METAP1D: variants seen among roughly 807,000 people sequenced by gnomAD.
METAP1D encodes methionyl aminopeptidase type 1D, mitochondrial.
METAP1D carries 31 observed loss-of-function variants against 40.5 expected under a neutral mutation model. The ratio of observed to expected loss-of-function variants is 0.77; its 90% CI spans 0.58 to 1.03. The LOEUF is 1.03. Among genes scored for constraint, METAP1D ranks in the 50% least tolerant of loss-of-function variants. METAP1D has a pLI of 0.00. For missense variants in METAP1D, 411 were observed against 420.7 expected, an observed-to-expected ratio of 0.98 and a Z score of 0.20; for synonymous variants, 151 against 146.4, an observed-to-expected ratio of 1.03 and a Z score of -0.22.
chr2:172,044,728 G>A lies in METAP1D; in HGVS notation c.41-16770G>A, dbSNP rs1182378354. On this transcript the variant is annotated intron_variant, in intron 1 of 9. Coordinates refer to ENST00000315796, the MANE Select transcript of METAP1D (RefSeq NM_199227.3). The stretch of plus-strand genomic sequence containing the variant: ...TCGAGACCAGCCTGGTCAACATGGC[G>A]AAACCCCATTTCTACTTAAAATACA... Among the ~76,000 whole-genome samples the A allele has an allele frequency of 1.5e-5, 2 of 133,606 alleles. 1 individual carries two copies. Among genetic ancestry groups the A allele is most frequent in the Non-Finnish European group, 3.5e-5 (2 of 57,428 alleles). 87.7% of individuals were successfully genotyped at this position (133,606 alleles called of 152,430 possible). A position where few individuals can be genotyped will look rare whatever the true frequency, so the allele number is the denominator to read the frequency against.
intron 5 of METAP1D, 121 bp downstream of exon 5, chr2:172,066,427 C>T (rs940804732): frequency 2.5e-5 from 19 of 747,926 alleles, no homozygotes; most frequent in Non-Finnish European, 3.5e-5. Context: ...TAGACCCAGA[C>T]GCAAGCAGCT....
chr2:172,021,092 T>C (rs12991740), intron 1 of METAP1D, among the ~76,000 whole-genome samples: 70,074 of 152,002 alleles, frequency 0.46, 17,016 homozygotes, highest in African/African-American at 0.62. Flanking sequence ...TTAATTTTAT[T>C]ATTAAAAAAA....
chr2:172,041,726 TTATATATATATATATATATATATATATA>T (rs67708838), intron 1 of METAP1D, among the ~76,000 whole-genome samples: 812 of 37,574 alleles, frequency 0.022, 120 homozygotes, highest in African/African-American at 0.051. Context: ...TCTAATTATT[TTATATATATATATATATATATATATATA>T]TATATATATA....
intron 1 of METAP1D, among the ~76,000 whole-genome samples, chr2:172,041,009 G>A (rs1396290737): frequency 1.3e-5 from 2 of 150,904 alleles, no homozygotes; most frequent in Admixed American, 6.6e-5. Flanking sequence ...CTTGTGATCC[G>A]CCCGCCTCGG....
At chr2:172,023,326 C>T (rs1045899412) in intron 1 of METAP1D, among the ~76,000 whole-genome samples, 3 of 152,140 alleles carry the variant, frequency 2.0e-5, no homozygotes, top group Non-Finnish European at 4.4e-5. Context: ...ACTGAACTTT[C>T]GTTTTCATAT....
At chr2:172,040,972 T>C (rs1472217720) in intron 1 of METAP1D, among the ~76,000 whole-genome samples, 2 of 151,818 alleles carry the variant, frequency 1.3e-5, no homozygotes, top group African/African-American at 4.8e-5. Flanking sequence ...TTCACCATGA[T>C]GGCCAGGATG....
chr2:172,021,261 G>A (rs1387259560), intron 1 of METAP1D, among the ~76,000 whole-genome samples: 1 of 152,192 alleles, frequency 6.6e-6, no homozygotes, highest in Non-Finnish European at 1.5e-5. Flanking sequence ...GAATGAGGAA[G>A]CTGGAGATTT....
At chr2:172,007,051 T>A (rs1009965272) in intron 1 of METAP1D, among the ~76,000 whole-genome samples, 1 of 152,192 alleles carries the variant, frequency 6.6e-6, no homozygotes, top group East Asian at 1.9e-4. Flanking sequence ...AACAGCTTTT[T>A]AAAAATCTGT....
chr2:172,077,650 A>G lies in METAP1D; in HGVS notation c.705-147A>G, dbSNP rs138110493. ...GCAAAAATTAAAATTATTACAGCATAATGAAAACACATGAATGTTATTATC... is the reference window on the plus strand; with the variant it reads ...GCAAAAATTAAAATTATTACAGCATGATGAAAACACATGAATGTTATTATC... On this transcript the variant is annotated intron_variant, in intron 6 of 9. Coordinates refer to ENST00000315796, the MANE Select transcript of METAP1D (RefSeq NM_199227.3). 257 of 513,790 alleles carry G rather than the reference A, an allele frequency of 5.0e-4. 1 individual carries two copies. In the East Asian group the frequency reaches 8.4e-3, roughly 17 times the overall value. The allele number at this position is 513,790 out of a possible 1,614,324, so 31.8% of individuals were successfully genotyped here.
At chr2:172,010,486 C>T (rs977954032) in intron 1 of METAP1D, among the ~76,000 whole-genome samples, 18 of 110,258 alleles carry the variant, frequency 1.6e-4, no homozygotes, top group South Asian at 7.1e-4. Context: ...TTCTTTCCTT[C>T]TTTCCTCTTT....
intron 1 of METAP1D, among the ~76,000 whole-genome samples, chr2:172,010,815 C>G (rs1347052481): frequency 6.9e-6 from 1 of 144,284 alleles, no homozygotes; most frequent in South Asian, 2.2e-4. Flanking sequence ...GTGGCATGAT[C>G]TCGATCTCCA....
At chr2:172,067,634 C>G (rs1164096749) in intron 5 of METAP1D, among the ~76,000 whole-genome samples, 1 of 152,150 alleles carries the variant, frequency 6.6e-6, no homozygotes, top group African/African-American at 2.4e-5. Context: ...CATCTAGTCA[C>G]CCTATCATGA....
At chr2:172,045,729 G>GTGTGTGTGTT (rs1689727401) in intron 1 of METAP1D, among the ~76,000 whole-genome samples, 1 of 85,430 alleles carries the variant, frequency 1.2e-5, no homozygotes, top group Non-Finnish European at 2.8e-5. Context: ...GTGTGTGTGT[G>GTGTGTGTGTT]TGTATATATA....
At chr2:172,071,863 A>C (rs1690428627) in intron 6 of METAP1D, among the ~76,000 whole-genome samples, 1 of 152,190 alleles carries the variant, frequency 6.6e-6, no homozygotes, top group Admixed American at 6.5e-5. Flanking sequence ...CATTTGTCTA[A>C]AGGATGGAAG....
intron 1 of METAP1D, among the ~76,000 whole-genome samples, chr2:172,022,070 C>G (rs531371459): frequency 6.6e-6 from 1 of 152,056 alleles, no homozygotes; most frequent in African/African-American, 2.4e-5. Context: ...GCTCCCTGAC[C>G]ACTACTGTTA....
chr2:172,019,715 A>G (rs1224066714), intron 1 of METAP1D, among the ~76,000 whole-genome samples: 1 of 152,188 alleles, frequency 6.6e-6, no homozygotes, highest in Non-Finnish European at 1.5e-5. Flanking sequence ...TGAATTGTGC[A>G]TGCCACTAAT....
At chr2:172,065,776 T>C (rs766519861) in intron 4 of METAP1D, 24 bp downstream of exon 4, 3 of 1,606,272 alleles carry the variant, frequency 1.9e-6, no homozygotes, top group Admixed American at 3.4e-5. Context: ...AATAACATAT[T>C]GTTCCTTTGG....
At chr2:172,023,929 A>G (rs1457502156) in intron 1 of METAP1D, among the ~76,000 whole-genome samples, 1 of 147,734 alleles carries the variant, frequency 6.8e-6, no homozygotes, top group Non-Finnish European at 1.5e-5. Flanking sequence ...ATCTCAGCTC[A>G]CTGCAAGCTC....
chr2:172,074,939 T>C (rs1690508554), intron 6 of METAP1D, among the ~76,000 whole-genome samples: 2 of 152,224 alleles, frequency 1.3e-5, no homozygotes, highest in African/African-American at 4.8e-5. Flanking sequence ...TCCTCTGCCC[T>C]CTTGGGGAAT....
Sources: gnomAD v4.1 joint callset for allele counts (sites outside exome capture counted in the v4.1 genomes callset) on GRCh38, gnomAD v4.1.1 for gene constraint, MANE v1.5 for transcripts, NCBI Gene and HGNC (gene_info 2026-07-23, HGNC 2026-07-21) for gene names.